ALK: variants seen among roughly 807,000 people sequenced by gnomAD.
ALK encodes ALK tyrosine kinase receptor.
ALK carries 74 observed loss-of-function variants against 163.1 expected under a neutral mutation model. The ratio of observed to expected loss-of-function variants is 0.45; its 90% CI spans 0.38 to 0.55. ALK has a LOEUF of 0.55. Among genes scored for constraint, ALK ranks in the 20% least tolerant of loss-of-function variants. ALK has a pLI of 0.00. For missense variants in ALK, 2,063 were observed against 2,105.3 expected, an observed-to-expected ratio of 0.98 and a Z score of 0.39; for synonymous variants, 960 against 843.2, an observed-to-expected ratio of 1.14 and a Z score of -2.40.
At chr2:29,567,533 G>C (rs1674227467) in intron 3 of ALK, among the ~76,000 whole-genome samples, 1 of 152,058 alleles carries the variant, frequency 6.6e-6, no homozygotes, top group South Asian at 2.1e-4. Flanking sequence ...GGTAATATTT[G>C]GAAGACTCTT....
At chr2:29,540,303 T>C (rs1673378258) in intron 3 of ALK, among the ~76,000 whole-genome samples, 2 of 152,270 alleles carry the variant, frequency 1.3e-5, no homozygotes, top group South Asian at 4.1e-4. Flanking sequence ...AGGGAAAAAT[T>C]CACCCAATTT....
At chr2:29,513,136 T>C (rs568540852) in intron 4 of ALK, among the ~76,000 whole-genome samples, 9 of 150,942 alleles carry the variant, frequency 6.0e-5, no homozygotes, top group African/African-American at 2.0e-4. Context: ...CTTCACATAA[T>C]TGGAAAAAAC....
At chr2:29,312,408 C>T (rs1157940579) in intron 8 of ALK, among the ~76,000 whole-genome samples, 1 of 152,090 alleles carries the variant, frequency 6.6e-6, no homozygotes, top group Non-Finnish European at 1.5e-5. Flanking sequence ...GGGGGGCTTC[C>T]TCCAAGGGCT....
chr2:29,762,890 C>T (rs1402796913), intron 1 of ALK, among the ~76,000 whole-genome samples: 1 of 152,022 alleles, frequency 6.6e-6, no homozygotes, highest in Non-Finnish European at 1.5e-5. Context: ...AGATAGAGAC[C>T]ATCCTGGCCA....
chr2:29,786,267 G>T (rs548843041), intron 1 of ALK, among the ~76,000 whole-genome samples: 37 of 152,128 alleles, frequency 2.4e-4, no homozygotes, highest in African/African-American at 3.4e-4. Flanking sequence ...ACCCGAGAAG[G>T]ATAGGAGATC....
chr2:29,731,579 C>T (rs1314352441), intron 1 of ALK, among the ~76,000 whole-genome samples: 3 of 152,216 alleles, frequency 2.0e-5, no homozygotes, highest in Non-Finnish European at 4.4e-5. Context: ...ATAACAGAAA[C>T]TAAACCTTCC....
intron 3 of ALK, among the ~76,000 whole-genome samples, chr2:29,601,257 A>C (rs1166499732): frequency 1.3e-5 from 2 of 152,192 alleles, no homozygotes; most frequent in Non-Finnish European, 2.9e-5. Context: ...AATACTTTAC[A>C]AATATTAATT....
chr2:29,884,482 C>A (rs1462346884), intron 1 of ALK, among the ~76,000 whole-genome samples: 1 of 152,116 alleles, frequency 6.6e-6, no homozygotes, highest in African/African-American at 2.4e-5. Flanking sequence ...AAATGTGAAG[C>A]CATTGCTGTG....
intron 9 of ALK, among the ~76,000 whole-genome samples, chr2:29,277,805 C>A (rs182643637): frequency 1.3e-5 from 2 of 152,332 alleles, no homozygotes; most frequent in African/African-American, 4.8e-5. Flanking sequence ...TCAGCCCCTG[C>A]CACTCTGGCA....
intron 1 of ALK, among the ~76,000 whole-genome samples, chr2:29,866,086 A>T (rs1666429055): frequency 6.6e-6 from 1 of 152,188 alleles, no homozygotes; most frequent in South Asian, 2.1e-4. Context: ...CAACAGCAAC[A>T]TCAGTGTCTT....
chr2:29,785,900 T>A (rs774147733), intron 1 of ALK, among the ~76,000 whole-genome samples: 7 of 149,408 alleles, frequency 4.7e-5, no homozygotes, highest in Non-Finnish European at 1.0e-4. Flanking sequence ...TAGGGGGAAA[T>A]GTTTTTGAGT....
intron 4 of ALK, among the ~76,000 whole-genome samples, chr2:29,410,156 G>A (rs188437722): frequency 7.9e-4 from 120 of 152,130 alleles, no homozygotes; most frequent in African/African-American, 2.6e-3. Flanking sequence ...AAACCTAGAC[G>A]GTGTGAAAGG....
At chr2:29,255,811 C>G (rs923529229) in intron 11 of ALK, among the ~76,000 whole-genome samples, 1 of 152,126 alleles carries the variant, frequency 6.6e-6, no homozygotes, top group South Asian at 2.1e-4. Context: ...CATAAGGGGA[C>G]TCTTGTTATT....
At chr2:29,916,017 G>C (rs149711856) in intron 1 of ALK, among the ~76,000 whole-genome samples, 89 of 152,262 alleles carry the variant, frequency 5.8e-4, no homozygotes, top group African/African-American at 2.1e-3. Context: ...ATGCCCAAAG[G>C]CTCCAGGGTT....
chr2:29,340,300 A>G (rs1667752190), intron 5 of ALK, among the ~76,000 whole-genome samples: 1 of 152,220 alleles, frequency 6.6e-6, no homozygotes, highest in African/African-American at 2.4e-5. Flanking sequence ...AGACTACTGC[A>G]GGGACCAGGC....
At chr2:29,675,512 A>G (rs1677845557) in intron 3 of ALK, among the ~76,000 whole-genome samples, 2 of 152,028 alleles carry the variant, frequency 1.3e-5, no homozygotes, top group South Asian at 4.2e-4. Flanking sequence ...GATGGGACAG[A>G]GACCAGGGGG....
rs369007050 is a variant in ALK at position 29,920,515 on chromosome 2, G to A, written c.145C>T (p.Leu49=). Residue 49 remains leucine (L), a synonymous_variant, in exon 1 of 29, where the codon CTG becomes TTG. Coordinates refer to ENST00000389048, the MANE Select transcript of ALK (RefSeq NM_004304.5). ...QPREPLSYSR[L]QRKSLAVDFV... is the part of the protein sequence containing the mutation. ...TCAACTGCCAGACTCTTCCTCTGCA[G>A]GCGCGAGTAGCTGAGTGGCTCCCGG... 6.2e-7 allele frequency: 1 copy of A among 1,612,516 alleles called. No homozygotes were observed. The highest frequency in any genetic ancestry group is 8.5e-7 in the Non-Finnish European group (1 of 1,179,618).
In ALK at chr2:29,473,988, A is replaced by C. The variant is rs558143366; in HGVS notation, c.1154+57927T>G. The stretch of plus-strand genomic sequence containing the variant: ...TCTCAATACATTGCTGGGAGGAGTT[A>C]AGTTGGTACAATTACTTTGGCAAAC... On this transcript the variant is annotated intron_variant, in intron 4 of 28. Transcript: ENST00000389048. Among the ~76,000 whole-genome samples, 3 of 152,362 alleles carry C rather than the reference A, an allele frequency of 2.0e-5. No individual in the cohort carries two copies. The East Asian group carries it at 5.8e-4, about 29-fold the overall frequency.
chr2:29,468,518 C>A (rs1671267251), intron 4 of ALK, among the ~76,000 whole-genome samples: 5 of 152,098 alleles, frequency 3.3e-5, no homozygotes, highest in Admixed American at 3.3e-4. Flanking sequence ...ACATACATTT[C>A]TCTTTTCAAT....
Sources: gnomAD v4.1 joint callset for allele counts (sites outside exome capture counted in the v4.1 genomes callset) on GRCh38, gnomAD v4.1.1 for gene constraint, MANE v1.5 for transcripts, NCBI Gene and HGNC (gene_info 2026-07-23, HGNC 2026-07-21) for gene names.